The following PREPL variants were observed in gnomAD, a reference collection of about 807,000 sequenced individuals.
PREPL encodes the protein prolyl endopeptidase-like.
Under a neutral mutation model 70.6 loss-of-function variants are expected in PREPL, and 77 were observed. The observed-to-expected ratio is 1.09, with a 90% CI of 0.91 to 1.32. PREPL has a LOEUF of 1.32. PREPL is among the 40% of genes most tolerant of loss of function. The pLI, the probability that PREPL is intolerant of heterozygous loss-of-function variation, is 0.00. For missense variants in PREPL, 1,002 were observed against 778.2 expected, an observed-to-expected ratio of 1.29 and a Z score of -3.42; for synonymous variants, 315 against 264.8, an observed-to-expected ratio of 1.19 and a Z score of -1.84.
intron 1 of PREPL, among the ~76,000 whole-genome samples, chr2:44,351,531 A>G (rs983180476): frequency 2.0e-5 from 3 of 151,976 alleles, no homozygotes; most frequent in Non-Finnish European, 4.4e-5. Context: ...AAAAAAAACA[A>G]AACCCTGTTC....
chr2:44,341,671 C>A (rs903759493), intron 5 of PREPL, among the ~76,000 whole-genome samples: 13 of 150,346 alleles, frequency 8.6e-5, no homozygotes, highest in Non-Finnish European at 1.6e-4. Flanking sequence ...TTATTTCTAT[C>A]GACAATTATT....
At chr2:44,346,177 T>C (rs1572901772) in intron 2 of PREPL, 91 bp downstream of exon 2, 1 of 1,230,142 alleles carries the variant, frequency 8.1e-7, no homozygotes. Flanking sequence ...ATAATCTTGA[T>C]GTGGACTATG....
chr2:44,328,442 A>C (rs1055663500), intron 9 of PREPL, among the ~76,000 whole-genome samples: 1 of 123,406 alleles, frequency 8.1e-6, no homozygotes, highest in East Asian at 2.0e-4. Flanking sequence ...CTCAAACAAA[A>C]AAAAAAAAAA....
In PREPL at chr2:44,332,503, T is replaced by A; in HGVS notation, c.1042A>T (p.Ile348Phe). 8 of 1,614,152 alleles carry A rather than the reference T, an allele frequency of 5.0e-6. No homozygotes were observed. Among genetic ancestry groups the A allele is most frequent in the Non-Finnish European group, 6.8e-6 (8 of 1,180,010 alleles). The change falls in exon 8 of 14, where the codon ATC (isoleucine) becomes TTC (phenylalanine). Residue 348 changes from isoleucine to phenylalanine, a missense_variant. Physicochemically the swap from Ile to Phe is conservative, Grantham distance 21 (BLOSUM62 0). Transcript: ENST00000409411. ...LFEETGHEDP[I>F]TKTSRVLRLE... is the part of the protein sequence containing the mutation. ...CGTAAAACGCGACTAGTCTTTGTGA[T>A]TGGGTCTTCATGCCCAGTTTCCTCA...
rs148486441 is a variant in PREPL, at chr2:44,320,134, T to A, written c.*1222A>T. 7.1e-7 allele frequency: 1 copy of A among 1,408,538 alleles called. No homozygotes were observed. The highest frequency in any genetic ancestry group is 1.4e-5 in the African/African-American group (1 of 69,718). 87.3% of individuals were successfully genotyped at this position (1,408,538 alleles called of 1,614,324 possible). On this transcript the variant is annotated 3_prime_UTR_variant, in exon 14 of 14. Transcript: ENST00000409411. ...TGGGTAAATAACTCCTTACAATATA[T>A]TAAAAATACTTACAAACAATTCTTA...
At position 44,346,272 on chromosome 2, in the gene PREPL, A is replaced by C; in HGVS notation, c.71T>G (p.Val24Gly). ...QPQEEYEIINVEVKHGGFVYY... is the reference protein window; with the variant it reads ...QPQEEYEIINGEVKHGGFVYY... ...TAAAGACATGAGATATCTTACTTCC[A>C]CATTGATGATTTCATATTCTTCTTG... The change falls in exon 2 of 14, where the codon GTG becomes GGG. Residue 24 changes from valine (V) to glycine (G), a missense_variant. Val to Gly is a moderately radical substitution (Grantham distance 109). Coordinates refer to ENST00000409411, the MANE Select transcript of PREPL (RefSeq NM_001171613.2). The C allele has an allele frequency of 6.2e-7, 1 of 1,610,262 alleles. No homozygotes were observed. The highest frequency in any genetic ancestry group is 8.5e-7 in the Non-Finnish European group (1 of 1,178,720).
Position 44,320,744 on chromosome 2 carries a change from C to T in PREPL, c.*612G>A, listed in dbSNP as rs1203066145. The T allele has an allele frequency of 2.2e-5, 20 of 910,310 alleles. No individual in the cohort carries two copies. The highest frequency in any genetic ancestry group is 1.3e-4 in the African/African-American group (8 of 60,966). The allele number at this position is 910,310 out of a possible 1,614,324, so 56.4% of individuals were successfully genotyped here. On this transcript the variant is annotated 3_prime_UTR_variant, in exon 14 of 14. Coordinates refer to ENST00000409411, the MANE Select transcript of PREPL (RefSeq NM_001171613.2). ...GCTTGGTGAACAATCATTAATTCTT[C>T]GATATTTCTGTAGCTTGAATGTAAC...
In PREPL at chr2:44,320,424, C is replaced by A. The variant is rs121912696; in HGVS notation, c.*932G>T. On this transcript the variant is annotated 3_prime_UTR_variant, in exon 14 of 14. Transcript: ENST00000409411. ...TCTACATAATATGATTTCGGGCCTTCCCGCTAAAATGAGAATAAGGTTAAG... is the reference window on the plus strand; with the variant it reads ...TCTACATAATATGATTTCGGGCCTTACCGCTAAAATGAGAATAAGGTTAAG... The A allele has an allele frequency of 9.3e-6, 15 of 1,613,934 alleles. No homozygotes were observed. In the Middle Eastern group the frequency reaches 4.9e-4, roughly 53 times the overall value.
intron 1 of PREPL, among the ~76,000 whole-genome samples, chr2:44,348,410 T>C (rs1470482374): frequency 6.6e-6 from 1 of 152,220 alleles, no homozygotes; most frequent in African/African-American, 2.4e-5. Context: ...GGAGCTGCCT[T>C]TGCATTTCTA....
At position 44,343,665 on chromosome 2, in the gene PREPL, C is replaced by A. The variant is rs12053381; in HGVS notation, c.349+80G>T. 862,877 of 1,299,996 alleles carry A rather than the reference C, an allele frequency of 0.66. 290,298 individuals are homozygous for A. The highest frequency in any genetic ancestry group is 0.71 in the Middle Eastern group (3,829 of 5,408). The allele number at this position is 1,299,996 out of a possible 1,614,324, so 80.5% of individuals were successfully genotyped here. ...GAATCAGGCATTCACCTTCTCCCTC[C>A]CTCACATGCGACAAAAAAATGTTTC... On this transcript the variant is annotated intron_variant, in intron 4 of 13. Coordinates refer to ENST00000409411, the MANE Select transcript of PREPL (RefSeq NM_001171613.2).
At chr2:44,332,236 G>A (rs898861357) in intron 8 of PREPL, among the ~76,000 whole-genome samples, 5 of 152,074 alleles carry the variant, frequency 3.3e-5, no homozygotes, top group Admixed American at 6.5e-5. Flanking sequence ...GTGAGCCACC[G>A]TGCCCGGCCG....
rs763916560 is a variant in PREPL at position 44,329,015 on chromosome 2, A to G, written c.1184T>C (p.Met395Thr). ...AGGCCTGAAATTCATTTTCAAATCC[A>G]TTCCATAAGCTCCATATACATGTAC... ...LLVHVYGAYGMDLKMNFRPER... is the reference protein window; with the variant it reads ...LLVHVYGAYGTDLKMNFRPER... Residue 395 changes from methionine to threonine, a missense_variant, in exon 9 of 14, where the codon ATG becomes ACG. By Grantham distance (81) the Met-to-Thr change is moderately conservative. Transcript: ENST00000409411. The G allele has an allele frequency of 6.2e-6, 10 of 1,614,004 alleles. No individual in the cohort carries two copies. The highest frequency in any genetic ancestry group is 1.7e-5 in the Admixed American group (1 of 60,018).
rs141652572 is a variant in PREPL, at chr2:44,342,532, C to G, written c.370G>C (p.Asp124His). 1.9e-6 allele frequency: 3 copies of G among 1,605,962 alleles called. No individual in the cohort carries two copies. The highest frequency in any genetic ancestry group is 2.6e-6 in the Non-Finnish European group (3 of 1,176,038). The change falls in exon 5 of 14, where the codon GAT (aspartate) becomes CAT (histidine). Residue 124 changes from aspartate to histidine, a missense_variant. By Grantham distance (81) the Asp-to-His change is moderately conservative. Coordinates refer to ENST00000409411, the MANE Select transcript of PREPL (RefSeq NM_001171613.2). ...SSFEWVKDEE[D>H]EDVLFYTFQR... Reference sequence around the variant, plus strand: ...AAGGTGTAGAATAAAACATCTTCATCTTCCTCGTCCTTTACCCATTCTGAA... The same window carrying G: ...AAGGTGTAGAATAAAACATCTTCATGTTCCTCGTCCTTTACCCATTCTGAA...
At position 44,321,285 on chromosome 2, in the gene PREPL, TGCTAA is replaced by T; in HGVS notation, c.*66_*70del. 1 of 1,251,936 alleles carries T rather than the reference TGCTAA, an allele frequency of 8.0e-7. No homozygotes were observed. Among genetic ancestry groups the T allele is most frequent in the Non-Finnish European group, 1.1e-6 (1 of 889,326 alleles). 77.6% of individuals were successfully genotyped at this position (1,251,936 alleles called of 1,614,324 possible). A position where few individuals can be genotyped will look rare whatever the true frequency, so the allele number is the denominator to read the frequency against. ...AGTCTCAAGTTATTAATTTTTTTTT[TGCTAA>T]CTCAATTGGAAGTAAGACTATGAAA... On this transcript the variant is annotated 3_prime_UTR_variant, in exon 14 of 14. Transcript: ENST00000409411.
chr2:44,359,724 AGTCCCTG>A, intron 1 of PREPL: 2 of 1,580,532 alleles, frequency 1.3e-6, no homozygotes, highest in Non-Finnish European at 1.7e-6. Context: ...ATGATATCAA[AGTCCCTG>A]GTTTATGCTC....
In PREPL at chr2:44,318,144, GCA is replaced by G; in HGVS notation, c.*3210_*3211del. ...CTTGCTCCGTCACCCATGCTCGAGT[GCA>G]GTGGCGTGATCTCGGCACACTGCAG... On this transcript the variant is annotated 3_prime_UTR_variant, in exon 14 of 14. Coordinates refer to ENST00000409411, the MANE Select transcript of PREPL (RefSeq NM_001171613.2). 2.3e-6 allele frequency: 1 copy of G among 440,528 alleles called. No homozygotes were observed. Among genetic ancestry groups the G allele is most frequent in the Non-Finnish European group, 4.5e-6 (1 of 220,102 alleles). The allele number at this position is 440,528 out of a possible 1,614,324, so 27.3% of individuals were successfully genotyped here.
rs779401831 is a variant in PREPL, at chr2:44,321,894, T to C, written c.1760A>G (p.Gln587Arg). The C allele has an allele frequency of 2.5e-5, 41 of 1,612,904 alleles. No homozygotes were observed. Among genetic ancestry groups the C allele is most frequent in the Middle Eastern group, 1.6e-4 (1 of 6,074 alleles). ...AATATCTAGAATAATATTAGGGGTC[T>C]GATAGCCTGGAAGAGTTAACATGTA... Reference protein sequence around the residue: ...EHAKDTGEGYQTPNIILDIQP... With the variant: ...EHAKDTGEGYRTPNIILDIQP... The change falls in exon 13 of 14, where the codon CAG becomes CGG. Residue 587 changes from glutamine (Q) to arginine (R), a missense_variant. Physicochemically the swap from Gln to Arg is conservative, Grantham distance 43. Coordinates refer to ENST00000409411, the MANE Select transcript of PREPL (RefSeq NM_001171613.2).
chr2:44,326,245 CAG>C (rs1239384511), intron 10 of PREPL, among the ~76,000 whole-genome samples: 1 of 152,134 alleles, frequency 6.6e-6, no homozygotes, highest in African/African-American at 2.4e-5. Context: ...AACACTGTAT[CAG>C]AGAAGAATAA....
At position 44,320,083 on chromosome 2, in the gene PREPL, A is replaced by G. The variant is rs533200656; in HGVS notation, c.*1273T>C. On this transcript the variant is annotated 3_prime_UTR_variant, in exon 14 of 14. Transcript: ENST00000409411. The stretch of plus-strand genomic sequence containing the variant: ...TTGATGCTTACAATTTGGCAATTAT[A>G]AGGGGCAAAATTGGAGCAAGTGTTT... 2 of 854,628 alleles carry G rather than the reference A, an allele frequency of 2.3e-6. No individual in the cohort carries two copies. The highest frequency in any genetic ancestry group is 3.6e-6 in the Non-Finnish European group (2 of 554,406). 52.9% of individuals were successfully genotyped at this position (854,628 alleles called of 1,614,324 possible).
Sources: gnomAD v4.1 joint callset for allele counts (sites outside exome capture counted in the v4.1 genomes callset) on GRCh38, gnomAD v4.1.1 for gene constraint, MANE v1.5 for transcripts, NCBI Gene and HGNC (gene_info 2026-07-23, HGNC 2026-07-21) for gene names.